The following NKAIN2 variants were observed in gnomAD, a reference collection of about 807,000 sequenced individuals.
The protein encoded by NKAIN2 is sodium/potassium-transporting ATPase subunit beta-1-interacting protein 2.
NKAIN2 carries 14 observed loss-of-function variants against 32.6 expected under a neutral mutation model. The ratio of observed to expected loss-of-function variants is 0.43; its 90% CI spans 0.28 to 0.67. NKAIN2 has a LOEUF of 0.67. NKAIN2 is among the 30% of genes least tolerant of loss of function. NKAIN2 has a pLI of 0.17. For missense variants in NKAIN2, 198 were observed against 258.3 expected (o/e 0.77, Z 1.60); for synonymous variants, 80 against 87.2 (o/e 0.92, Z 0.46).
At chr6:124,183,336 C>T (rs2114552576) in intron 1 of NKAIN2, among the ~76,000 whole-genome samples, 1 of 152,160 alleles carries the variant, frequency 6.6e-6, no homozygotes, top group East Asian at 1.9e-4. Flanking sequence ...GTTTATATTA[C>T]ACTTCTATTA....
chr6:124,139,424 A>T (rs1489331225), intron 1 of NKAIN2, among the ~76,000 whole-genome samples: 4 of 152,212 alleles, frequency 2.6e-5, no homozygotes, highest in Non-Finnish European at 4.4e-5. Flanking sequence ...ATAAAATAAA[A>T]TTGGATCCTC....
chr6:124,463,347 C>T (rs1455336865), intron 3 of NKAIN2, among the ~76,000 whole-genome samples: 1 of 152,064 alleles, frequency 6.6e-6, no homozygotes, highest in East Asian at 1.9e-4. Flanking sequence ...GCACGTTTTA[C>T]TGTAGCAAGT....
chr6:124,392,996 C>T (rs1434128035), intron 3 of NKAIN2, among the ~76,000 whole-genome samples: 1 of 152,136 alleles, frequency 6.6e-6, no homozygotes, highest in Non-Finnish European at 1.5e-5. Flanking sequence ...CAGAGTGAGA[C>T]TCTGTCTTTA....
At chr6:124,230,400 C>T (rs1792385743) in intron 1 of NKAIN2, among the ~76,000 whole-genome samples, 2 of 152,194 alleles carry the variant, frequency 1.3e-5, no homozygotes, top group African/African-American at 2.4e-5. Flanking sequence ...AACCAAGTCT[C>T]ATTTTCTGAG....
At chr6:124,022,212 A>G (rs1780899407) in intron 1 of NKAIN2, among the ~76,000 whole-genome samples, 1 of 152,092 alleles carries the variant, frequency 6.6e-6, no homozygotes, top group Non-Finnish European at 1.5e-5. Context: ...TGTCCCTACA[A>G]AGGACATGAA....
chr6:124,574,403 AGGTCAG>A (rs1781251464), intron 3 of NKAIN2, among the ~76,000 whole-genome samples: 1 of 152,116 alleles, frequency 6.6e-6, no homozygotes, highest in South Asian at 2.1e-4. Flanking sequence ...TGATCACCTG[AGGTCAG>A]GAGTTTGAGA....
chr6:124,308,374 ATTAG>A (rs1176480479), intron 2 of NKAIN2, among the ~76,000 whole-genome samples: 1 of 152,170 alleles, frequency 6.6e-6, no homozygotes, highest in African/African-American at 2.4e-5. Flanking sequence ...CTCCACGACT[ATTAG>A]TTAATTTTTA....
intron 4 of NKAIN2, among the ~76,000 whole-genome samples, chr6:124,723,165 G>A (rs1209558292): frequency 6.6e-6 from 1 of 152,162 alleles, no homozygotes; most frequent in Admixed American, 6.5e-5. Context: ...CAGAATAGTT[G>A]ATATAATAAT....
intron 1 of NKAIN2, among the ~76,000 whole-genome samples, chr6:123,936,522 C>T (rs235688): frequency 0.71 from 107,986 of 151,890 alleles, 38,798 homozygotes; most frequent in East Asian, 0.91. Context: ...AATAAAATGC[C>T]GACAGGCATA....
chr6:124,312,825 GCATTC>G (rs1311299358), intron 2 of NKAIN2, among the ~76,000 whole-genome samples: 1 of 152,144 alleles, frequency 6.6e-6, no homozygotes, highest in Non-Finnish European at 1.5e-5. Context: ...TTTCAATGCA[GCATTC>G]CTTCCTCCCA....
chr6:123,869,879 T>C (rs1772774324), intron 1 of NKAIN2, among the ~76,000 whole-genome samples: 2 of 152,250 alleles, frequency 1.3e-5, no homozygotes, highest in East Asian at 3.9e-4. Flanking sequence ...ATTCTTTACA[T>C]AGGAAAAAAT....
chr6:123,961,965 T>G lies in NKAIN2; in HGVS notation c.54+157711T>G, dbSNP rs193083503. 2.0e-5 allele frequency among the ~76,000 whole-genome samples: 3 copies of G among 152,246 alleles called. No individual in the cohort carries two copies. In the East Asian group the frequency reaches 5.8e-4, roughly 29 times the overall value. On this transcript the variant is annotated intron_variant, in intron 1 of 6. Coordinates refer to ENST00000368417, the MANE Select transcript of NKAIN2 (RefSeq NM_001040214.3). ...TGCTTTAGAGAGAGGAAACGGTAAT[T>G]AAAAAGAGAAAGCTATTTTATTGCT...
intron 3 of NKAIN2, among the ~76,000 whole-genome samples, chr6:124,367,672 G>A (rs887177322): frequency 6.6e-6 from 1 of 152,028 alleles, no homozygotes; most frequent in Non-Finnish European, 1.5e-5. Context: ...TGAGTTGTAA[G>A]GATTTAATTA....
At chr6:124,168,813 C>T (rs767634332) in intron 1 of NKAIN2, among the ~76,000 whole-genome samples, 7 of 152,018 alleles carry the variant, frequency 4.6e-5, no homozygotes, top group Non-Finnish European at 1.0e-4. Context: ...CAAAGTTTAA[C>T]TTCCAAAATG....
At chr6:124,362,084 A>G (rs1799313510) in intron 3 of NKAIN2, among the ~76,000 whole-genome samples, 1 of 152,058 alleles carries the variant, frequency 6.6e-6, no homozygotes, top group Non-Finnish European at 1.5e-5. Flanking sequence ...ATGAGCAATT[A>G]CTATTAAACA....
chr6:124,283,416 A>G (rs773082464), intron 2 of NKAIN2: 5 of 252,160 alleles, frequency 2.0e-5, no homozygotes, highest in East Asian at 7.8e-5. Context: ...CTGTGTTTCT[A>G]TGTTTCTACA....
intron 3 of NKAIN2, among the ~76,000 whole-genome samples, chr6:124,520,746 G>C (rs1313856222): frequency 6.6e-6 from 1 of 152,058 alleles, no homozygotes; most frequent in Non-Finnish European, 1.5e-5. Context: ...AAATCCCTAT[G>C]TGCTACAAAT....
At chr6:123,956,557 CT>C (rs1777602182) in intron 1 of NKAIN2, among the ~76,000 whole-genome samples, 1 of 152,184 alleles carries the variant, frequency 6.6e-6, no homozygotes, top group African/African-American at 2.4e-5. Flanking sequence ...TGACCTTGGA[CT>C]TCCAACCTCC....
At chr6:124,735,184 G>C (rs577513103) in intron 4 of NKAIN2, among the ~76,000 whole-genome samples, 9 of 151,988 alleles carry the variant, frequency 5.9e-5, no homozygotes, top group African/African-American at 2.2e-4. Context: ...AATGAGAACA[G>C]AGTGGCACTT....
Sources: allele counts gnomAD v4.1 joint callset (sites outside exome capture counted in the v4.1 genomes callset), GRCh38; gene constraint gnomAD v4.1.1; transcripts MANE v1.5; gene names NCBI Gene and HGNC (gene_info 2026-07-23, HGNC 2026-07-21).